Variants in PSMA6 observed in about 807,000 individuals in gnomAD.
PSMA6 encodes proteasome subunit alpha type-6.
For missense variants in PSMA6, 170 were observed against 294.8 expected (o/e 0.58, Z 3.10); for synonymous variants, 88 against 97.7 (o/e 0.90, Z 0.59).
At chr14:35,282,973 G>T (rs184973249) in intron 1 of PSMA6, among the ~76,000 whole-genome samples, 2 of 151,866 alleles carry the variant, frequency 1.3e-5, no homozygotes, top group South Asian at 4.1e-4. Flanking sequence ...CTCCTGAGTA[G>T]CTGGGACTAC....
In PSMA6 at chr14:35,299,409, G is replaced by C. The variant is rs1000970989; in HGVS notation, c.76+6857G>C. On this transcript the variant is annotated intron_variant, in intron 1 of 6. Coordinates refer to ENST00000261479, the MANE Select transcript of PSMA6 (RefSeq NM_002791.3). ...GCAATCTCGGCTTGCTGCGACCTCT[G>C]TCTCCTGGGTTCAAGCGATTCTCCT... Among the ~76,000 whole-genome samples, 4 of 138,620 alleles carry C rather than the reference G, an allele frequency of 2.9e-5. No individual in the cohort carries two copies. In the East Asian group the frequency reaches 6.6e-4, roughly 23 times the overall value. 90.9% of individuals were successfully genotyped at this position (138,620 alleles called of 152,430 possible).
chr14:35,288,430 G>A (rs1220350600), upstream of PSMA6, among the ~76,000 whole-genome samples: 8 of 152,144 alleles, frequency 5.3e-5, no homozygotes, highest in South Asian at 2.1e-4. Flanking sequence ...CCCAGGAGAC[G>A]GAAGTTGCAA....
chr14:35,295,174 C>A (rs2051559399), intron 1 of PSMA6, among the ~76,000 whole-genome samples: 2 of 151,896 alleles, frequency 1.3e-5, no homozygotes, highest in African/African-American at 2.4e-5. Context: ...TCTGTCTCTA[C>A]TAAAAATACA....
intron 1 of PSMA6, 159 bp downstream of exon 1, chr14:35,292,711 A>G (rs1438624271): frequency 5.2e-6 from 7 of 1,341,668 alleles, no homozygotes; most frequent in Non-Finnish European, 6.0e-6. Flanking sequence ...TGGTGTTTGC[A>G]CCCCCGTCTG....
upstream of PSMA6, chr14:35,292,273 C>G (rs556879705): frequency 1.4e-6 from 2 of 1,382,914 alleles, no homozygotes; most frequent in African/African-American, 3.0e-5. Context: ...GCCTCCCGCC[C>G]TCACTCCACC....
intron 1 of PSMA6, among the ~76,000 whole-genome samples, chr14:35,298,415 G>A (rs1157133584): frequency 1.3e-5 from 2 of 151,926 alleles, no homozygotes; most frequent in South Asian, 2.1e-4. Flanking sequence ...GCTTGAGCCC[G>A]GGAGGTGGAG....
chr14:35,285,365 A>C (rs1566548133), intron 1 of PSMA6, among the ~76,000 whole-genome samples: 1 of 150,942 alleles, frequency 6.6e-6, no homozygotes, highest in African/African-American at 2.4e-5. Flanking sequence ...CAAAAAAAAA[A>C]ACCGTAGCAC....
In PSMA6 at chr14:35,313,124, T is replaced by C; in HGVS notation, c.588+65T>C. 5 of 1,361,442 alleles carry C rather than the reference T, an allele frequency of 3.7e-6. No individual in the cohort carries two copies. The South Asian group carries it at 7.4e-5, about 20-fold the overall frequency. 84.3% of individuals were successfully genotyped at this position (1,361,442 alleles called of 1,614,324 possible). On this transcript the variant is annotated intron_variant, in intron 5 of 6. Transcript: ENST00000261479. ...TAGAACAGTGAGGATCTTTGTATAA[T>C]TTCTATACAAAGCTATTCCTGAATT...
intron 1 of PSMA6, among the ~76,000 whole-genome samples, chr14:35,296,851 C>A (rs964330209): frequency 6.6e-6 from 1 of 152,288 alleles, no homozygotes; most frequent in African/African-American, 2.4e-5. Context: ...CATACACATA[C>A]ATACATGTGC....
chr14:35,317,270 T>G lies in PSMA6; in HGVS notation c.705T>G (p.Ile235Met), dbSNP rs891653513. 1.9e-6 allele frequency: 3 copies of G among 1,612,930 alleles called. No homozygotes were observed. In the African/African-American group the frequency reaches 4.0e-5, roughly 22 times the overall value. Reference protein sequence around the residue: ...PKFRILTEAEIDAHLVALAER... With the variant: ...PKFRILTEAEMDAHLVALAER... ...CTAGGATTCTTACAGAAGCAGAGAT[T>G]GATGCTCACCTTGTTGCTCTAGCAG... is the stretch of plus-strand genomic sequence containing the variant. The change falls in exon 7 of 7, where the codon ATT becomes ATG. Residue 235 changes from isoleucine to methionine, a missense_variant. Coordinates refer to ENST00000261479, the MANE Select transcript of PSMA6 (RefSeq NM_002791.3).
intron 1 of PSMA6, among the ~76,000 whole-genome samples, chr14:35,297,823 C>A (rs1040468115): frequency 6.6e-6 from 1 of 152,154 alleles, no homozygotes; most frequent in African/African-American, 2.4e-5. Flanking sequence ...ATTTTGCCAC[C>A]GTGCCTTTTA....
intron 2 of PSMA6, 44 bp downstream of exon 2, chr14:35,308,132 A>C: frequency 1.2e-6 from 2 of 1,604,592 alleles, no homozygotes; most frequent in Non-Finnish European, 1.7e-6. Flanking sequence ...AGAATATAAG[A>C]ATTTTTCAGC....
upstream of PSMA6, among the ~76,000 whole-genome samples, chr14:35,287,841 AG>A (rs2051437702): frequency 1.3e-5 from 2 of 152,302 alleles, no homozygotes; most frequent in South Asian, 4.1e-4. Flanking sequence ...TCCCTGACCC[AG>A]GGGAAAGTCC....
intron 1 of PSMA6, among the ~76,000 whole-genome samples, chr14:35,280,532 C>A (rs977421599): frequency 6.6e-6 from 1 of 151,772 alleles, no homozygotes; most frequent in African/African-American, 2.4e-5. Flanking sequence ...CAGGCACGTG[C>A]CACCATGCCC....
chr14:35,290,605 AAGTT>A (rs757664048), upstream of PSMA6, among the ~76,000 whole-genome samples: 1 of 152,218 alleles, frequency 6.6e-6, no homozygotes, highest in Non-Finnish European at 1.5e-5. Context: ...TTAAAATAGA[AAGTT>A]AGTTTAGGAA....
chr14:35,294,888 T>C (rs1377754480), intron 1 of PSMA6, among the ~76,000 whole-genome samples: 1 of 152,178 alleles, frequency 6.6e-6, no homozygotes, highest in Non-Finnish European at 1.5e-5. Flanking sequence ...TGCAAGTTGT[T>C]AACATTGACA....
At chr14:35,289,897 C>A (rs1322768986), upstream of PSMA6, among the ~76,000 whole-genome samples, 4 of 110,354 alleles carry the variant, frequency 3.6e-5, no homozygotes, top group African/African-American at 1.5e-4. Flanking sequence ...GTCTGGGTGA[C>A]AGAGCAATAC....
At chr14:35,295,133 T>C (rs1269818395) in intron 1 of PSMA6, among the ~76,000 whole-genome samples, 1 of 151,790 alleles carries the variant, frequency 6.6e-6, no homozygotes, top group Non-Finnish European at 1.5e-5. Context: ...AGGTCAGGAG[T>C]TGAAGACCAG....
chr14:35,292,621 G>GA (rs2033488436), intron 1 of PSMA6, 69 bp downstream of exon 1: 1 of 1,576,082 alleles, frequency 6.3e-7, no homozygotes, highest in African/African-American at 1.4e-5. Flanking sequence ...GGAGCGAGCA[G>GA]ACGCGGCCCG....
Sources: gnomAD v4.1 joint callset for allele counts (sites outside exome capture counted in the v4.1 genomes callset) on GRCh38, gnomAD v4.1.1 for gene constraint, MANE v1.5 for transcripts, NCBI Gene and HGNC (gene_info 2026-07-23, HGNC 2026-07-21) for gene names.